KIAA1586: variants seen among roughly 807,000 people sequenced by gnomAD.
The protein encoded by KIAA1586 is KIAA1586.
Under a neutral mutation model 6.1 loss-of-function variants are expected in KIAA1586, and 5 were observed. The observed-to-expected ratio is 0.82, with a 90% CI of 0.43 to 1.73. The LOEUF (loss-of-function observed/expected upper bound fraction) is 1.73. Among genes scored for constraint, KIAA1586 ranks in the 40% most tolerant of loss-of-function variants. The pLI, the probability that KIAA1586 is intolerant of heterozygous loss-of-function variation, is 0.02. For synonymous variants in KIAA1586, 280 were observed against 301.7 expected, an observed-to-expected ratio of 0.93 and a Z score of 0.75; for missense variants, 899 against 878.2, an observed-to-expected ratio of 1.02 and a Z score of -0.30.
At chr6:57,061,630 T>C in the KIAA1586 span, among the ~76,000 whole-genome samples, 1 of 152,062 alleles carries the variant, frequency 6.6e-6, no homozygotes, top group Non-Finnish European at 1.5e-5. Context: ...GCTCAAGTGC[T>C]CATCCTGCCT....
chr6:57,066,443 C>A, the KIAA1586 span, among the ~76,000 whole-genome samples: 1 of 152,064 alleles, frequency 6.6e-6, no homozygotes, highest in African/African-American at 2.4e-5. Context: ...TGGGAAGCTT[C>A]ACTGGGAGTC....
chr6:57,048,058 A>T (rs1288963712), intron 2 of KIAA1586, among the ~76,000 whole-genome samples: 1 of 151,246 alleles, frequency 6.6e-6, no homozygotes, highest in African/African-American at 2.5e-5. Flanking sequence ...GTGCAGGGAC[A>T]TAAGGATTTC....
chr6:57,060,100 C>T (rs1043349542), downstream of KIAA1586, among the ~76,000 whole-genome samples: 2 of 152,146 alleles, frequency 1.3e-5, no homozygotes, highest in Admixed American at 6.6e-5. Context: ...ATTAGGAAGA[C>T]ATTCAGACAA....
the KIAA1586 span, among the ~76,000 whole-genome samples, chr6:57,063,722 G>C: frequency 6.6e-6 from 1 of 151,940 alleles, no homozygotes; most frequent in African/African-American, 2.4e-5. Flanking sequence ...CCAAAGTGCT[G>C]GGATTACAGG....
chr6:57,051,791 G>A (rs867666635), intron 3 of KIAA1586, among the ~76,000 whole-genome samples: 4 of 152,052 alleles, frequency 2.6e-5, no homozygotes, highest in Non-Finnish European at 5.9e-5. Flanking sequence ...AAAACTAGCC[G>A]GGCGTGGTGG....
chr6:57,054,310 G>T lies in KIAA1586; in HGVS notation c.1811G>T (p.Ser604Ile). The T allele has an allele frequency of 1.3e-6, 2 of 1,584,910 alleles. No individual in the cohort carries two copies. Among genetic ancestry groups the T allele is most frequent in the Non-Finnish European group, 1.7e-6 (2 of 1,167,696 alleles). Residue 604 changes from serine (S) to isoleucine (I), a missense_variant, in exon 4 of 4, where the codon AGT becomes ATT. Physicochemically the swap from Ser to Ile is moderately radical, Grantham distance 142. Transcript: ENST00000370733. ...AATAAATTTAATGCTCTTCCTAGGA[G>T]TATATTACTAGACAATATAATTCAG... ...KNNKFNALPR[S>I]ILLDNIIQHM...
At position 57,054,511 on chromosome 6, in the gene KIAA1586, T is replaced by G; in HGVS notation, c.2012T>G (p.Phe671Cys). ...ILKYEVDLNDFREFVNNNIKS... is the reference protein window; with the variant it reads ...ILKYEVDLNDCREFVNNNIKS... ...AAATATGAAGTTGATTTGAATGATT[T>G]TCGGGAATTTGTAAATAATAATATA... Residue 671 changes from phenylalanine to cysteine, a missense_variant, in exon 4 of 4, where the codon TTT becomes TGT. Transcript: ENST00000370733. The G allele has an allele frequency of 6.3e-7, 1 of 1,594,250 alleles. No individual in the cohort carries two copies. The highest frequency in any genetic ancestry group is 8.5e-7 in the Non-Finnish European group (1 of 1,171,082).
chr6:57,050,851 T>C lies in KIAA1586; in HGVS notation c.183T>C (p.Ser61=). The C allele has an allele frequency of 6.2e-7, 1 of 1,602,374 alleles. No homozygotes were observed. The highest frequency in any genetic ancestry group is 1.1e-5 in the South Asian group (1 of 90,820). Residue 61 remains serine, a synonymous_variant, in exon 3 of 4, where the codon AGT becomes AGC. Coordinates refer to ENST00000370733, the MANE Select transcript of KIAA1586 (RefSeq NM_020931.4). ...ATGAAAACCCTAGCGCCTATTATAG[T>C]GATGTAAGCACATTATATTTGTGTT... is the stretch of plus-strand genomic sequence containing the variant. ...GDDENPSAYY[S]DILFPKMPKR...
the KIAA1586 span, among the ~76,000 whole-genome samples, chr6:57,061,841 G>C: frequency 6.6e-6 from 1 of 151,582 alleles, no homozygotes; most frequent in Non-Finnish European, 1.5e-5. Flanking sequence ...ATATTTAAAA[G>C]TTAACAATAT....
At position 57,048,482 on chromosome 6, in the gene KIAA1586, G is replaced by C. The variant is rs78751665; in HGVS notation, c.105+1086G>C. Among the ~76,000 whole-genome samples, 57 of 152,246 alleles carry C rather than the reference G, an allele frequency of 3.7e-4. 1 individual carries two copies. The East Asian group carries it at 0.011, about 29-fold the overall frequency. ...ACATATTTCCCAATTAATAGTGTGT[G>C]TATATTTTGTTCCTGACATTTGGAA... is the stretch of plus-strand genomic sequence containing the variant. On this transcript the variant is annotated intron_variant, in intron 2 of 3. Coordinates refer to ENST00000370733, the MANE Select transcript of KIAA1586 (RefSeq NM_020931.4).
At chr6:57,048,469 A>G (rs1454796970) in intron 2 of KIAA1586, among the ~76,000 whole-genome samples, 1 of 152,106 alleles carries the variant, frequency 6.6e-6, no homozygotes, top group Non-Finnish European at 1.5e-5. Context: ...ATATTTCCCA[A>G]TTAATAGTGT....
At chr6:57,048,617 T>C (rs1042475991) in intron 2 of KIAA1586, among the ~76,000 whole-genome samples, 4 of 152,226 alleles carry the variant, frequency 2.6e-5, no homozygotes, top group African/African-American at 9.6e-5. Flanking sequence ...GTTTCTGTTT[T>C]TGTAACGAGA....
chr6:57,053,077 G>A lies in KIAA1586; in HGVS notation c.578G>A (p.Gly193Asp). 6.2e-7 allele frequency: 1 copy of A among 1,610,964 alleles called. No homozygotes were observed. Among genetic ancestry groups the A allele is most frequent in the East Asian group, 2.2e-5 (1 of 44,858 alleles). Residue 193 changes from glycine to aspartate, a missense_variant, in exon 4 of 4, where the codon GGC becomes GAC. Coordinates refer to ENST00000370733, the MANE Select transcript of KIAA1586 (RefSeq NM_020931.4). ...ATTGCATATTTAGTAACCCCTAATG[G>A]CAGTAATAAAACTACTAGGCAAGCT... ...EWIAYLVTPN[G>D]SNKTTRQASL...
Position 57,053,209 on chromosome 6 carries a change from A to C in KIAA1586, c.710A>C (p.Lys237Thr), listed in dbSNP as rs779611036. The change falls in exon 4 of 4, where the codon AAA becomes ACA. Residue 237 changes from lysine to threonine, a missense_variant. Lys to Thr is a moderately conservative substitution (Grantham distance 78). Coordinates refer to ENST00000370733, the MANE Select transcript of KIAA1586 (RefSeq NM_020931.4). ...GATTCAATTTGTAATTTAGTGCATA[A>C]ACAAAATAATAAAAATATTGATGCT... ...TNDSICNLVH[K>T]QNNKNIDATV... 1.2e-6 allele frequency: 2 copies of C among 1,600,020 alleles called. No homozygotes were observed. Among genetic ancestry groups the C allele is most frequent in the Non-Finnish European group, 8.5e-7 (1 of 1,175,068 alleles).
chr6:57,054,362 C>CA lies in KIAA1586; in HGVS notation c.1864dup (p.Arg622LysfsTer4). 1 of 1,606,412 alleles carries CA rather than the reference C, an allele frequency of 6.2e-7. No homozygotes were observed. The highest frequency in any genetic ancestry group is 1.3e-5 in the African/African-American group (1 of 74,486). ...ACATGAACCTACGCCTTTTATCTGA[C>CA]AGAAACCATGAAGATATTTTTAATT... On this transcript the variant is annotated frameshift_variant, in exon 4 of 4. Coordinates refer to ENST00000370733, the MANE Select transcript of KIAA1586 (RefSeq NM_020931.4). LOFTEE classifies it low-confidence loss of function (END_TRUNC).
At chr6:57,065,913 C>T in the KIAA1586 span, among the ~76,000 whole-genome samples, 1 of 152,080 alleles carries the variant, frequency 6.6e-6, no homozygotes, top group Non-Finnish European at 1.5e-5. Context: ...AAAATCCATG[C>T]ATATTTCTTT....
Position 57,053,421 on chromosome 6 carries a change from A to G in KIAA1586, c.922A>G (p.Ile308Val), listed in dbSNP as rs143004648. 17 of 1,609,772 alleles carry G rather than the reference A, an allele frequency of 1.1e-5. No homozygotes were observed. The highest frequency in any genetic ancestry group is 2.2e-5 in the East Asian group (1 of 44,836). Residue 308 changes from isoleucine to valine, a missense_variant, in exon 4 of 4, where the codon ATA becomes GTA. Transcript: ENST00000370733. ...GAAGATGAAGATATTTAAGAATATT[A>G]TAGAAGAGAATGCCAAAATCTGTAT... ...EMKMKIFKNI[I>V]EENAKICIII...
chr6:57,051,245 A>AG (rs1264807324), intron 3 of KIAA1586, among the ~76,000 whole-genome samples: 5 of 151,566 alleles, frequency 3.3e-5, no homozygotes, highest in African/African-American at 4.9e-5. Context: ...AAAAAAAAAA[A>AG]AAATCTAATC....
In KIAA1586 at chr6:57,054,928, T is replaced by C. The variant is rs1042971079; in HGVS notation, c.*65T>C. The stretch of plus-strand genomic sequence containing the variant: ...TACACATCCTTTATATACATAAAGG[T>C]CTTTTTTTTTTTTGGAAAGCCAGTT... On this transcript the variant is annotated 3_prime_UTR_variant, in exon 4 of 4. Coordinates refer to ENST00000370733, the MANE Select transcript of KIAA1586 (RefSeq NM_020931.4). The C allele has an allele frequency of 3.3e-5, 45 of 1,379,464 alleles. No individual in the cohort carries two copies. Among genetic ancestry groups the C allele is most frequent in the Non-Finnish European group, 4.2e-5 (44 of 1,051,048 alleles). The allele number at this position is 1,379,464 out of a possible 1,614,324, so 85.5% of individuals were successfully genotyped here. A position where few individuals can be genotyped will look rare whatever the true frequency, so the allele number is the denominator to read the frequency against.
Sources: allele counts gnomAD v4.1 joint callset (sites outside exome capture counted in the v4.1 genomes callset), GRCh38; gene constraint gnomAD v4.1.1; transcripts MANE v1.5; gene names NCBI Gene and HGNC (gene_info 2026-07-23, HGNC 2026-07-21).